Variants in EML6 observed in about 807,000 individuals in gnomAD.
The protein encoded by EML6 is echinoderm microtubule-associated protein-like 6.
A neutral mutation model predicts 240.1 loss-of-function variants in EML6; 154 were observed. That is an observed-to-expected ratio of 0.64 (90% CI 0.56 to 0.73). EML6 has a LOEUF of 0.73. Among genes scored for constraint, EML6 ranks in the 30% least tolerant of loss-of-function variants. The probability of loss-of-function intolerance (pLI) is 0.00; values close to 1 mark genes in which losing one functional copy is unlikely to be tolerated. For synonymous variants in EML6, 1,148 were observed against 899.0 expected (o/e 1.28, Z -4.95); for missense variants, 2,964 against 2,474.6 (o/e 1.20, Z -4.20).
At chr2:54,822,617 A>G (rs1044778856) in intron 5 of EML6, among the ~76,000 whole-genome samples, 1 of 152,202 alleles carries the variant, frequency 6.6e-6, no homozygotes. Context: ...AAAATCTATT[A>G]TATGGGGAAG....
chr2:54,960,098 C>CT, intron 34 of EML6, 122 bp from the exon 35 acceptor site: 1 of 727,552 alleles, frequency 1.4e-6, no homozygotes, highest in Non-Finnish European at 2.3e-6. Flanking sequence ...CCTGGAGGGT[C>CT]TTTCCTTCTG....
At chr2:54,866,985 G>A (rs760776491) in intron 14 of EML6, 101 bp downstream of exon 14, 23 of 635,794 alleles carry the variant, frequency 3.6e-5, no homozygotes, top group East Asian at 1.1e-4. Context: ...CCTCAGTGTC[G>A]TCCTCCTCCT....
At chr2:54,864,461 T>C (rs1670857079) in intron 13 of EML6, among the ~76,000 whole-genome samples, 1 of 152,206 alleles carries the variant, frequency 6.6e-6, no homozygotes, top group Non-Finnish European at 1.5e-5. Flanking sequence ...GAAGTTGACA[T>C]ATCATTTTAG....
At chr2:54,789,306 G>A (rs1363704411) in intron 2 of EML6, among the ~76,000 whole-genome samples, 1 of 151,936 alleles carries the variant, frequency 6.6e-6, no homozygotes, top group Non-Finnish European at 1.5e-5. Flanking sequence ...GAGGTCAGGA[G>A]ATCGAGACCA....
intron 17 of EML6, chr2:54,881,126 C>A (rs1027463292): frequency 3.3e-5 from 5 of 152,008 alleles, no homozygotes; most frequent in African/African-American, 1.2e-4. Context: ...GCAGAATTGC[C>A]CAGGAGAACA....
At chr2:54,904,858 T>A (rs1267280937) in intron 24 of EML6, among the ~76,000 whole-genome samples, 1 of 152,198 alleles carries the variant, frequency 6.6e-6, no homozygotes, top group Non-Finnish European at 1.5e-5. Context: ...TCAGAGTATT[T>A]CTTGGAGTAG....
intron 3 of EML6, 72 bp from the exon 4 acceptor site, chr2:54,816,715 G>C (rs1572944393): frequency 6.8e-6 from 8 of 1,171,278 alleles, no homozygotes; most frequent in African/African-American, 1.5e-5. Flanking sequence ...ATAGTAAATA[G>C]TAACTATTTC....
rs531256494 is a variant in EML6, at chr2:54,922,025, G to C, written c.3675+5090G>C. 2.0e-4 allele frequency among the ~76,000 whole-genome samples: 30 copies of C among 152,220 alleles called. No homozygotes were observed. In the East Asian group the frequency reaches 5.8e-3, roughly 29 times the overall value. Reference sequence around the variant, plus strand: ...ACATTGGTCTTGGCAGTGATTTCTTGGATGTAACAGCCAAAGCACAAGCAA... The same window carrying C: ...ACATTGGTCTTGGCAGTGATTTCTTCGATGTAACAGCCAAAGCACAAGCAA... On this transcript the variant is annotated intron_variant, in intron 26 of 41. Coordinates refer to ENST00000356458, the MANE Select transcript of EML6 (RefSeq NM_001039753.4).
chr2:54,875,152 G>A (rs1671441916), intron 16 of EML6, among the ~76,000 whole-genome samples: 2 of 152,140 alleles, frequency 1.3e-5, no homozygotes, highest in Admixed American at 6.5e-5. Flanking sequence ...TGTAACTGTG[G>A]AGTGGACATG....
intron 26 of EML6, among the ~76,000 whole-genome samples, chr2:54,924,878 A>T (rs1391499680): frequency 6.6e-6 from 1 of 151,708 alleles, no homozygotes; most frequent in Non-Finnish European, 1.5e-5. Context: ...TTTTTTTTTC[A>T]ACCTGATTTT....
chr2:54,834,546 C>T (rs1047874192), intron 7 of EML6, among the ~76,000 whole-genome samples: 1 of 152,156 alleles, frequency 6.6e-6, no homozygotes, highest in African/African-American at 2.4e-5. Context: ...CAGATACGTG[C>T]CTAGGAACTG....
At chr2:54,873,967 A>G (rs981060782) in intron 16 of EML6, among the ~76,000 whole-genome samples, 1 of 152,018 alleles carries the variant, frequency 6.6e-6, no homozygotes, top group African/African-American at 2.4e-5. Context: ...ACTGACTGCA[A>G]ATGAGAATGT....
chr2:54,907,941 TAGATAAGATAGA>T (rs1325543788), intron 24 of EML6, among the ~76,000 whole-genome samples: 81 of 26,142 alleles, frequency 3.1e-3, no homozygotes, highest in Non-Finnish European at 5.1e-3. Context: ...GATAGATAGA[TAGATAAGATAGA>T]TAGATAGATA....
chr2:54,743,147 C>A (rs368780750), intron 2 of EML6, among the ~76,000 whole-genome samples: 1 of 152,190 alleles, frequency 6.6e-6, no homozygotes, highest in South Asian at 2.1e-4. Context: ...GAGCCTATCC[C>A]CGCAGCTCAG....
chr2:54,784,734 C>T (rs1286081412), intron 2 of EML6, among the ~76,000 whole-genome samples: 1 of 152,044 alleles, frequency 6.6e-6, no homozygotes, highest in East Asian at 1.9e-4. Context: ...GATACATGTG[C>T]AGGTTTGTTA....
intron 2 of EML6, among the ~76,000 whole-genome samples, chr2:54,734,852 A>T (rs1041416358): frequency 6.6e-6 from 1 of 152,178 alleles, no homozygotes; most frequent in South Asian, 2.1e-4. Flanking sequence ...CTAAGGCTAG[A>T]TTTAAAACTT....
chr2:54,821,216 T>C (rs937727447), intron 5 of EML6, among the ~76,000 whole-genome samples: 3 of 152,176 alleles, frequency 2.0e-5, no homozygotes, highest in Non-Finnish European at 1.5e-5. Context: ...TGAATGAAGA[T>C]TTTCCTCTAA....
rs1224173593 is a variant in EML6, at chr2:54,960,238, T to C, written c.4872T>C (p.Ala1624=). Residue 1624 remains alanine, a synonymous_variant, in exon 35 of 42, where the codon GCT becomes GCC. Transcript: ENST00000356458. ...TTTTTAGGACCAAAGAAGGAGGTGC[T>C]GTAAAATTGTGGGACCAGGAGATGA... ...GKERPTKEGG[A]VKLWDQEMKR... is the part of the protein sequence containing the mutation. 1.3e-6 allele frequency: 2 copies of C among 1,551,304 alleles called. No individual in the cohort carries two copies. Among genetic ancestry groups the C allele is most frequent in the Non-Finnish European group, 1.7e-6 (2 of 1,146,842 alleles).
At chr2:54,885,862 C>T (rs10181028) in intron 17 of EML6, among the ~76,000 whole-genome samples, 100,899 of 151,938 alleles carry the variant, frequency 0.66, 33,812 homozygotes, top group East Asian at 0.82. Flanking sequence ...CCCCCTGCCT[C>T]GGCCTCCCAA....
Sources: allele counts gnomAD v4.1 joint callset (sites outside exome capture counted in the v4.1 genomes callset), GRCh38; gene constraint gnomAD v4.1.1; transcripts MANE v1.5; gene names NCBI Gene and HGNC (gene_info 2026-07-23, HGNC 2026-07-21).